The following MAGI2 variants were observed in gnomAD, a reference collection of about 807,000 sequenced individuals.
The protein encoded by MAGI2 is membrane associated guanylate kinase, WW and PDZ domain containing 2, also known as membrane-associated guanylate kinase, WW and PDZ domain-containing protein 2.
In MAGI2, 35 loss-of-function variants were observed where a neutral mutation model predicts 133.3. That is an observed-to-expected ratio of 0.26 (90% CI 0.20 to 0.35). MAGI2 has a LOEUF of 0.35. Ranked by LOEUF, MAGI2 falls within the 10% of genes least tolerant of loss-of-function variation. The pLI, the probability that MAGI2 is intolerant of heterozygous loss-of-function variation, is 1.00. For missense variants in MAGI2, 1,636 were observed against 1,863.4 expected (o/e 0.88, Z 2.25); for synonymous variants, 729 against 710.6 (o/e 1.03, Z -0.41).
chr7:78,568,592 A>C (rs2150759704), intron 3 of MAGI2, among the ~76,000 whole-genome samples: 1 of 152,138 alleles, frequency 6.6e-6, no homozygotes, highest in South Asian at 2.1e-4. Flanking sequence ...TTAAAACATA[A>C]CCTATGACCA....
intron 1 of MAGI2, among the ~76,000 whole-genome samples, chr7:79,171,772 T>TATATATATATATA (rs1215314753): frequency 1.4e-4 from 3 of 21,742 alleles, no homozygotes; most frequent in East Asian, 1.0e-3. Context: ...ATATATATAT[T>TATATATATATATA]TTTTTTTTTT....
At chr7:78,039,812 T>C (rs1484743014) in intron 21 of MAGI2, among the ~76,000 whole-genome samples, 2 of 152,212 alleles carry the variant, frequency 1.3e-5, no homozygotes, top group Admixed American at 6.5e-5. Context: ...CTAGAGGAAT[T>C]CAAAGGTGCT....
intron 2 of MAGI2, among the ~76,000 whole-genome samples, chr7:78,742,256 T>A (rs913482233): frequency 2.6e-5 from 4 of 152,028 alleles, no homozygotes; most frequent in Non-Finnish European, 5.9e-5. Context: ...CCTAAAAAGG[T>A]TACCAATCTC....
chr7:78,610,687 G>C (rs1399008998), intron 3 of MAGI2, among the ~76,000 whole-genome samples: 2 of 152,182 alleles, frequency 1.3e-5, no homozygotes, highest in African/African-American at 4.8e-5. Flanking sequence ...TTCCAAACTT[G>C]TTTGACCACA....
At chr7:79,019,653 T>A (rs1584698415) in intron 1 of MAGI2, among the ~76,000 whole-genome samples, 1 of 152,090 alleles carries the variant, frequency 6.6e-6, no homozygotes, top group African/African-American at 2.4e-5. Flanking sequence ...CAAACAATTC[T>A]CCTGCCTCAG....
At chr7:78,983,559 A>C (rs112366521) in intron 2 of MAGI2, among the ~76,000 whole-genome samples, 53 of 152,014 alleles carry the variant, frequency 3.5e-4, no homozygotes, top group African/African-American at 1.2e-3. Context: ...TTATGCCAAT[A>C]ATCTCTATCA....
At chr7:78,663,292 C>A (rs868823089) in intron 2 of MAGI2, among the ~76,000 whole-genome samples, 23 of 151,234 alleles carry the variant, frequency 1.5e-4, no homozygotes, top group Non-Finnish European at 2.8e-4. Flanking sequence ...CTGCAATATC[C>A]GCCTCCCGGG....
At chr7:78,248,879 T>A (rs1792077540) in intron 10 of MAGI2, among the ~76,000 whole-genome samples, 1 of 151,884 alleles carries the variant, frequency 6.6e-6, no homozygotes, top group South Asian at 2.1e-4. Context: ...TTACATCCAA[T>A]TAAAAAGATT....
At chr7:79,330,147 C>T (rs1236559116) in intron 1 of MAGI2, among the ~76,000 whole-genome samples, 2 of 140,962 alleles carry the variant, frequency 1.4e-5, no homozygotes, top group Non-Finnish European at 3.1e-5. Context: ...CCTCTTGCCT[C>T]ACTATAGCAC....
At chr7:78,621,094 A>G (rs945552327) in intron 3 of MAGI2, among the ~76,000 whole-genome samples, 1 of 152,024 alleles carries the variant, frequency 6.6e-6, no homozygotes, top group African/African-American at 2.4e-5. Context: ...AGGCCTGGTT[A>G]ATTCAGCACT....
chr7:78,128,090 C>T (rs1413279485), intron 18 of MAGI2, among the ~76,000 whole-genome samples: 3 of 152,012 alleles, frequency 2.0e-5, no homozygotes, highest in Non-Finnish European at 4.4e-5. Context: ...AGATTAGCAT[C>T]AAATACTACT....
chr7:79,127,693 T>TAA (rs1820552491), intron 1 of MAGI2, among the ~76,000 whole-genome samples: 2 of 152,150 alleles, frequency 1.3e-5, no homozygotes, highest in Non-Finnish European at 2.9e-5. Flanking sequence ...TAGATTCTGG[T>TAA]TATTAGCCCT....
intron 9 of MAGI2, among the ~76,000 whole-genome samples, chr7:78,293,462 T>C (rs927610197): frequency 3.9e-5 from 6 of 152,168 alleles, no homozygotes; most frequent in African/African-American, 1.2e-4. Flanking sequence ...TGTGGAGAAA[T>C]AGGAACACTT....
chr7:79,101,734 A>G (rs1004871688), intron 1 of MAGI2, among the ~76,000 whole-genome samples: 2 of 150,964 alleles, frequency 1.3e-5, no homozygotes, highest in Admixed American at 6.6e-5. Context: ...AAAAAAAAAA[A>G]AAAAAAGAAA....
intron 1 of MAGI2, among the ~76,000 whole-genome samples, chr7:79,157,960 G>C (rs1364803766): frequency 4.7e-5 from 7 of 149,600 alleles, no homozygotes; most frequent in Non-Finnish European, 7.4e-5. Flanking sequence ...GTGTGTGTGT[G>C]TGTGTGTGTG....
At chr7:78,369,940 A>C (rs1793754765) in intron 6 of MAGI2, among the ~76,000 whole-genome samples, 1 of 152,048 alleles carries the variant, frequency 6.6e-6, no homozygotes, top group Non-Finnish European at 1.5e-5. Flanking sequence ...TTGTTTTCCA[A>C]ATACACCAAG....
At chr7:79,322,205 C>T (rs1839233096) in intron 1 of MAGI2, among the ~76,000 whole-genome samples, 1 of 152,068 alleles carries the variant, frequency 6.6e-6, no homozygotes, top group African/African-American at 2.4e-5. Context: ...CATAGTTTTC[C>T]AATTTTGCAA....
At chr7:79,031,128 A>G (rs541185002) in intron 1 of MAGI2, among the ~76,000 whole-genome samples, 3 of 152,284 alleles carry the variant, frequency 2.0e-5, no homozygotes, top group African/African-American at 7.2e-5. Context: ...TACTCTTGTT[A>G]TCATGTTTAC....
At chr7:79,056,966 C>T (rs962209167) in intron 1 of MAGI2, among the ~76,000 whole-genome samples, 5 of 152,098 alleles carry the variant, frequency 3.3e-5, no homozygotes, top group African/African-American at 1.2e-4. Context: ...GTGAACAATA[C>T]CTAAAAGAGA....
Sources: allele counts gnomAD v4.1 joint callset (sites outside exome capture counted in the v4.1 genomes callset), GRCh38; gene constraint gnomAD v4.1.1; transcripts MANE v1.5; gene names NCBI Gene and HGNC (gene_info 2026-07-23, HGNC 2026-07-21).